The following GRM7 variants were observed in gnomAD, a reference collection of about 807,000 sequenced individuals.
GRM7 encodes glutamate metabotropic receptor 7, also known as metabotropic glutamate receptor 7.
A neutral mutation model predicts 84.5 loss-of-function variants in GRM7; 35 were observed. The observed-to-expected ratio is 0.41, with a 90% confidence interval of 0.32 to 0.55. GRM7 has a LOEUF of 0.55. Among genes scored for constraint, GRM7 ranks in the 20% least tolerant of loss-of-function variants. The probability of loss-of-function intolerance (pLI) is 0.19; values close to 1 mark genes in which losing one functional copy is unlikely to be tolerated. For missense variants in GRM7, 1,003 were observed against 1,194.6 expected (o/e 0.84, Z 2.36); for synonymous variants, 487 against 455.1 (o/e 1.07, Z -0.89).
At chr3:7,371,417 A>AAATAATAATTGT (rs1375731131) in intron 4 of GRM7, among the ~76,000 whole-genome samples, 1 of 152,174 alleles carries the variant, frequency 6.6e-6, no homozygotes, top group Non-Finnish European at 1.5e-5. Flanking sequence ...TTTATAACCA[A>AAATAATAATTGT]AATAGATAAT....
chr3:7,039,214 G>T (rs234790), intron 1 of GRM7, among the ~76,000 whole-genome samples: 1 of 152,122 alleles, frequency 6.6e-6, no homozygotes, highest in East Asian at 1.9e-4. Flanking sequence ...GAGTTTGCAT[G>T]GTTCCTTTCA....
intron 8 of GRM7, among the ~76,000 whole-genome samples, chr3:7,629,004 C>G (rs977127094): frequency 2.0e-5 from 3 of 152,080 alleles, no homozygotes. Flanking sequence ...CCTACTCCAT[C>G]CTCAAACTTT....
In GRM7 at chr3:7,400,159, T is replaced by G. The variant is rs373368740; in HGVS notation, c.1034-14864T>G. Among the ~76,000 whole-genome samples, 5 of 152,292 alleles carry G rather than the reference T, an allele frequency of 3.3e-5. No individual in the cohort carries two copies. The East Asian group carries it at 5.8e-4, about 18-fold the overall frequency. ...CAAAATATTGTGTCCATCTTTCCCA[T>G]CTGGTGAACCTGAGACAGGCATCTT... On this transcript the variant is annotated intron_variant, in intron 4 of 9. Transcript: ENST00000357716.
At chr3:7,369,056 ATCTT>A (rs1203213280) in intron 4 of GRM7, among the ~76,000 whole-genome samples, 4 of 151,934 alleles carry the variant, frequency 2.6e-5, no homozygotes, top group Non-Finnish European at 5.9e-5. Flanking sequence ...AACCTGAGAA[ATCTT>A]TCTTTATCTT....
At position 7,464,297 on chromosome 3, in the gene GRM7, G is replaced by A. The variant is rs139985628; in HGVS notation, c.1515+2575G>A. 1.5e-4 allele frequency among the ~76,000 whole-genome samples: 23 copies of A among 152,248 alleles called. No homozygotes were observed. In the East Asian group the frequency reaches 4.4e-3, roughly 29 times the overall value. Reference sequence around the variant, plus strand: ...TGGATGATGGCAACACATGAGATGAGGGAGGCAGCTGGGAGTAGAAGGGAG... The same window carrying A: ...TGGATGATGGCAACACATGAGATGAAGGAGGCAGCTGGGAGTAGAAGGGAG... On this transcript the variant is annotated intron_variant, in intron 7 of 9. Coordinates refer to ENST00000357716, the MANE Select transcript of GRM7 (RefSeq NM_000844.4).
intron 1 of GRM7, among the ~76,000 whole-genome samples, chr3:6,940,637 A>G (rs926965187): frequency 2.6e-5 from 4 of 152,018 alleles, no homozygotes; most frequent in Non-Finnish European, 5.9e-5. Flanking sequence ...CAATTGAAAT[A>G]ACTTCTGATA....
intron 1 of GRM7, among the ~76,000 whole-genome samples, chr3:7,111,822 A>G (rs1234847996): frequency 6.6e-6 from 1 of 152,172 alleles, no homozygotes; most frequent in Non-Finnish European, 1.5e-5. Flanking sequence ...ATTTGTACAT[A>G]GCCTCATTTC....
intron 2 of GRM7, among the ~76,000 whole-genome samples, chr3:7,200,721 G>A (rs563895436): frequency 7.2e-5 from 11 of 152,258 alleles, no homozygotes; most frequent in Admixed American, 1.3e-4. Flanking sequence ...CTAGTTCAGA[G>A]GCCACACTTT....
At chr3:7,520,634 G>A (rs1008162380) in intron 7 of GRM7, among the ~76,000 whole-genome samples, 4 of 152,074 alleles carry the variant, frequency 2.6e-5, no homozygotes, top group African/African-American at 7.2e-5. Context: ...ATTTTGTAAG[G>A]TGGATCAGGG....
chr3:7,489,198 C>A (rs1033875471), intron 7 of GRM7, among the ~76,000 whole-genome samples: 2 of 152,126 alleles, frequency 1.3e-5, no homozygotes, highest in African/African-American at 4.8e-5. Flanking sequence ...TACAACATGA[C>A]CCAAATACAC....
intron 2 of GRM7, among the ~76,000 whole-genome samples, chr3:7,157,568 G>A (rs968029315): frequency 6.6e-6 from 1 of 151,818 alleles, no homozygotes; most frequent in African/African-American, 2.4e-5. Context: ...ACACGTAGAG[G>A]ACTGTTCAAG....
chr3:7,591,262 T>C (rs1695770295), intron 8 of GRM7, among the ~76,000 whole-genome samples: 1 of 152,144 alleles, frequency 6.6e-6, no homozygotes, highest in Admixed American at 6.5e-5. Context: ...AGTGAAGGAA[T>C]TGATTTTGAA....
chr3:7,078,728 G>A (rs73808642), intron 1 of GRM7, among the ~76,000 whole-genome samples: 24,601 of 152,038 alleles, frequency 0.16, 3,496 homozygotes, highest in African/African-American at 0.39. Context: ...TGTTTAACTT[G>A]TAAGGTGTAG....
At chr3:7,232,855 A>G (rs1697237389) in intron 2 of GRM7, among the ~76,000 whole-genome samples, 4 of 152,154 alleles carry the variant, frequency 2.6e-5, no homozygotes, top group Admixed American at 2.6e-4. Context: ...TTGCAGGTCT[A>G]CTAACATAGT....
chr3:7,305,994 A>G (rs1414767449), intron 3 of GRM7, among the ~76,000 whole-genome samples: 2 of 152,226 alleles, frequency 1.3e-5, no homozygotes, highest in Non-Finnish European at 2.9e-5. Context: ...TACACAAGTT[A>G]TAAATTTTTC....
chr3:7,215,499 CT>C (rs1406346038), intron 2 of GRM7, among the ~76,000 whole-genome samples: 1 of 151,852 alleles, frequency 6.6e-6, no homozygotes, highest in East Asian at 1.9e-4. Context: ...CCCGTCTCTA[CT>C]AAAAATACAA....
chr3:7,618,194 T>C (rs1296892359), intron 8 of GRM7, among the ~76,000 whole-genome samples: 1 of 152,174 alleles, frequency 6.6e-6, no homozygotes, highest in Non-Finnish European at 1.5e-5. Flanking sequence ...TCCTCCTGCA[T>C]AAAGAAGCTG....
intron 7 of GRM7, among the ~76,000 whole-genome samples, chr3:7,542,288 G>A (rs1042161811): frequency 2.6e-5 from 4 of 151,966 alleles, no homozygotes; most frequent in Non-Finnish European, 5.9e-5. Flanking sequence ...TTTTCTCCCC[G>A]CTCCATCATT....
At chr3:7,099,494 C>T (rs1699004912) in intron 1 of GRM7, among the ~76,000 whole-genome samples, 1 of 144,472 alleles carries the variant, frequency 6.9e-6, no homozygotes, top group African/African-American at 2.6e-5. Flanking sequence ...TATGTACACG[C>T]ATTATACATG....
Sources: gnomAD v4.1 joint callset for allele counts (sites outside exome capture counted in the v4.1 genomes callset) on GRCh38, gnomAD v4.1.1 for gene constraint, MANE v1.5 for transcripts, NCBI Gene and HGNC (gene_info 2026-07-23, HGNC 2026-07-21) for gene names.